The following PLXNA1 variants were observed in gnomAD, a reference collection of about 807,000 sequenced individuals.
PLXNA1 encodes the protein plexin-A1.
Under a neutral mutation model 191.7 loss-of-function variants are expected in PLXNA1, and 77 were observed. That is an observed-to-expected ratio of 0.40 (90% CI 0.33 to 0.49). The LOEUF (loss-of-function observed/expected upper bound fraction) is 0.49. Among genes scored for constraint, PLXNA1 ranks in the 20% least tolerant of loss-of-function variants. The pLI is 0.63. For missense variants in PLXNA1, 2,110 were observed against 2,660.2 expected (o/e 0.79, Z 4.55); for synonymous variants, 1,137 against 1,156.4 (o/e 0.98, Z 0.34).
intron 1 of PLXNA1, among the ~76,000 whole-genome samples, chr3:126,983,727 C>T (rs929605099): frequency 1.9e-4 from 29 of 151,642 alleles, no homozygotes; most frequent in Middle Eastern, 3.4e-3. Context: ...CGGGGAGGCC[C>T]CTGCGGTGTC....
At chr3:126,987,946 C>T (rs929268676) in intron 1 of PLXNA1, among the ~76,000 whole-genome samples, 1 of 151,958 alleles carries the variant, frequency 6.6e-6, no homozygotes, top group Non-Finnish European at 1.5e-5. Flanking sequence ...TCCATGTCCT[C>T]CGTGGTGCCT....
chr3:127,033,892 G>T (rs747623151), intron 31 of PLXNA1, 30 bp from the exon 32 acceptor site: 43 of 1,556,834 alleles, frequency 2.8e-5, no homozygotes, highest in Middle Eastern at 3.4e-4. Flanking sequence ...CTGGTGGCCC[G>T]GCATGCTGAC....
Position 127,017,820 on chromosome 3 carries a change from C to G in PLXNA1, c.3588C>G (p.Pro1196=). 6.2e-7 allele frequency: 1 copy of G among 1,613,134 alleles called. No individual in the cohort carries two copies. Among genetic ancestry groups the G allele is most frequent in the Non-Finnish European group, 8.5e-7 (1 of 1,180,022 alleles). Residue 1196 remains proline, a synonymous_variant, in exon 19 of 32, where the codon CCC becomes CCG. Coordinates refer to ENST00000393409, the MANE Select transcript of PLXNA1 (RefSeq NM_032242.4). ...LNYTVLIGST[P]CTLTVSETQL... ...ACACGGTGCTCATCGGCTCCACACC[C>G]TGTACCCTCACCGTGTCGGAGACGC...
chr3:127,008,057 A>T (rs750845378), intron 9 of PLXNA1, 144 bp downstream of exon 9: 2 of 574,778 alleles, frequency 3.5e-6, no homozygotes, highest in Non-Finnish European at 6.1e-6. Context: ...ATGCACCACC[A>T]GGCTGGGTCA....
At chr3:127,011,727 T>C (rs1211331825) in intron 9 of PLXNA1, among the ~76,000 whole-genome samples, 2 of 151,962 alleles carry the variant, frequency 1.3e-5, no homozygotes, top group African/African-American at 4.8e-5. Context: ...ATGGTGGGGG[T>C]CCTAGAACAT....
rs980692862 is a variant in PLXNA1, at chr3:127,022,791, C to T, written c.4335C>T (p.Phe1445=). ...SVAEKMLTNW[F]TFLLYKFLKE... ...CAGAGAAGATGCTAACTAACTGGTTCACCTTCCTCTTGTATAAGTTCCTCA... is the reference window on the plus strand; with the variant it reads ...CAGAGAAGATGCTAACTAACTGGTTTACCTTCCTCTTGTATAAGTTCCTCA... Residue 1445 remains phenylalanine, a synonymous_variant, in exon 23 of 32, where the codon TTC becomes TTT. Transcript: ENST00000393409. 5.0e-6 allele frequency: 8 copies of T among 1,613,934 alleles called. No homozygotes were observed. Among genetic ancestry groups the T allele is most frequent in the Non-Finnish European group, 6.8e-6 (8 of 1,179,980 alleles).
In PLXNA1 at chr3:127,032,598, A is replaced by G; in HGVS notation, c.5443A>G (p.Arg1815Gly). 6.2e-7 allele frequency: 1 copy of G among 1,606,916 alleles called. No individual in the cohort carries two copies. Among genetic ancestry groups the G allele is most frequent in the Non-Finnish European group, 8.5e-7 (1 of 1,175,388 alleles). The change falls in exon 30 of 32, where the codon AGG becomes GGG. Residue 1815 changes from arginine to glycine, a missense_variant and splice_region_variant. Physicochemically the swap from Arg to Gly is moderately radical, Grantham distance 125 (BLOSUM62 -2). Coordinates refer to ENST00000393409, the MANE Select transcript of PLXNA1 (RefSeq NM_032242.4). ...DIPNYKSWVE[R>G]YYADIAKMPA... ...CCCCAACTACAAGAGCTGGGTGGAG[A>G]GGTAGGTGGAGGGTGCAGGGGTCGG...
chr3:127,018,610 C>A, intron 20 of PLXNA1, 82 bp downstream of exon 20: 2 of 1,018,446 alleles, frequency 2.0e-6, no homozygotes, highest in South Asian at 1.5e-5. Context: ...CTTCCCACCG[C>A]CGCCCCCACC....
chr3:127,016,366 C>T (rs2079123416), intron 15 of PLXNA1, 151 bp from the exon 16 acceptor site: 1 of 686,866 alleles, frequency 1.5e-6, no homozygotes, highest in African/African-American at 1.8e-5. Flanking sequence ...ATGCACAGCC[C>T]TGGGAGGGAA....
intron 18 of PLXNA1, 32 bp from the exon 19 acceptor site, chr3:127,017,717 C>G: frequency 6.2e-7 from 1 of 1,613,260 alleles, no homozygotes; most frequent in Non-Finnish European, 8.5e-7. Flanking sequence ...GGCCCCTCGT[C>G]CTGGGCTCTG....
chr3:127,015,149 T>G (rs368734968), intron 14 of PLXNA1, 35 bp from the exon 15 acceptor site: 3 of 1,591,216 alleles, frequency 1.9e-6, no homozygotes, highest in Non-Finnish European at 1.7e-6. Context: ...AGGGGGACTT[T>G]CCTGAGAGTT....
chr3:127,022,353 G>T lies in PLXNA1; in HGVS notation c.4295+12G>T. 6.2e-7 allele frequency: 1 copy of T among 1,603,266 alleles called. No individual in the cohort carries two copies. Among genetic ancestry groups the T allele is most frequent in the Non-Finnish European group, 8.5e-7 (1 of 1,172,186 alleles). ...CTGCTACTGCGCCGGTGAGCCTGGG[G>T]GGCACTGGGGTTGGGGGAGGCAGGC... On this transcript the variant is annotated intron_variant, in intron 22 of 31. Coordinates refer to ENST00000393409, the MANE Select transcript of PLXNA1 (RefSeq NM_032242.4).
Position 126,988,736 on chromosome 3 carries a change from A to G in PLXNA1, c.143A>G (p.Asp48Gly). 14 of 1,586,134 alleles carry G rather than the reference A, an allele frequency of 8.8e-6. No homozygotes were observed. The highest frequency in any genetic ancestry group is 1.2e-5 in the Non-Finnish European group (14 of 1,163,390). Residue 48 changes from aspartate to glycine, a missense_variant, in exon 2 of 32, where the codon GAC (aspartate) becomes GGC (glycine). Around this residue, in one of 4 missense-constraint regions of PLXNA1, gnomAD observed 903 missense variants for 1,015.7 expected, o/e 0.89. Coordinates refer to ENST00000393409, the MANE Select transcript of PLXNA1 (RefSeq NM_032242.4). ...QPPFRTFSAS[D>G]WGLTHLVVHE... is the part of the protein sequence containing the mutation. Reference sequence around the variant, plus strand: ...CCCTTCCGCACCTTCTCGGCCAGCGACTGGGGCCTCACCCACCTAGTGGTG... The same window carrying G: ...CCCTTCCGCACCTTCTCGGCCAGCGGCTGGGGCCTCACCCACCTAGTGGTG...
intron 1 of PLXNA1, among the ~76,000 whole-genome samples, chr3:126,988,084 G>C (rs1231070332): frequency 1.3e-5 from 2 of 152,170 alleles, no homozygotes; most frequent in African/African-American, 4.8e-5. Flanking sequence ...CCAGCCTCAG[G>C]CAGGGAGCTG....
chr3:127,020,460 G>A (rs748197103), intron 21 of PLXNA1, 116 bp downstream of exon 21: 1 of 1,311,090 alleles, frequency 7.6e-7, no homozygotes, highest in Non-Finnish European at 1.0e-6. Flanking sequence ...GCCTGGGGGA[G>A]GGTCCAGGCC....
At chr3:126,998,688 G>A (rs2079025943) in intron 3 of PLXNA1, among the ~76,000 whole-genome samples, 2 of 152,240 alleles carry the variant, frequency 1.3e-5, no homozygotes, top group Admixed American at 1.3e-4. Context: ...GGTGGATGTT[G>A]GCAGATGAGA....
chr3:127,014,900 T>A, intron 14 of PLXNA1, 69 bp downstream of exon 14: 1 of 1,564,602 alleles, frequency 6.4e-7, no homozygotes, highest in Non-Finnish European at 8.7e-7. Flanking sequence ...AGGGCTTCTG[T>A]GCCTCTTCAG....
Position 127,033,981 on chromosome 3 carries a change from G to A in PLXNA1, c.5655G>A (p.Leu1885=), listed in dbSNP as rs376074998. The A allele has an allele frequency of 2.6e-5, 41 of 1,605,420 alleles. No individual in the cohort carries two copies. The highest frequency in any genetic ancestry group is 3.4e-5 in the Non-Finnish European group (40 of 1,177,412). The change falls in exon 32 of 32, where the codon CTG becomes CTA. Residue 1885 remains leucine (L), a synonymous_variant. Transcript: ENST00000393409. ...GGCGGCAGCGGCTGCGGAGCAAGCT[G>A]GAGCAGGTGGTGGACACGATGGCCC... The part of the protein sequence containing the change: ...QARRQRLRSK[L]EQVVDTMALS...
chr3:127,019,627 G>A (rs1253885193), intron 20 of PLXNA1, among the ~76,000 whole-genome samples: 1 of 152,218 alleles, frequency 6.6e-6, no homozygotes, highest in African/African-American at 2.4e-5. Context: ...AGCCTGCCTG[G>A]CACTCCTTTG....
Sources: allele counts gnomAD v4.1 joint callset (sites outside exome capture counted in the v4.1 genomes callset), GRCh38; gene constraint gnomAD v4.1.1; regional missense constraint gnomAD v4.1.1; transcripts MANE v1.5; gene names NCBI Gene and HGNC (gene_info 2026-07-23, HGNC 2026-07-21).